Variants in RHOBTB1 observed in about 807,000 individuals in gnomAD.
RHOBTB1 encodes rho-related BTB domain-containing protein 1.
A neutral mutation model predicts 71.6 loss-of-function variants in RHOBTB1; 40 were observed. That is an observed-to-expected ratio of 0.56 (90% confidence interval 0.43 to 0.73). RHOBTB1 has a LOEUF of 0.73. Among genes scored for constraint, RHOBTB1 ranks in the 30% least tolerant of loss-of-function variants. The probability of loss-of-function intolerance (pLI) is 0.00; values close to 1 mark genes in which losing one functional copy is unlikely to be tolerated. For synonymous variants in RHOBTB1, 319 were observed against 334.9 expected, an observed-to-expected ratio of 0.95 and a Z score of 0.52; for missense variants, 797 against 894.0, an observed-to-expected ratio of 0.89 and a Z score of 1.38.
At chr10:60,997,019 T>C (rs546892819) in intron 1 of RHOBTB1, among the ~76,000 whole-genome samples, 1 of 151,688 alleles carries the variant, frequency 6.6e-6, no homozygotes, top group African/African-American at 2.4e-5. Flanking sequence ...TTGAACATGC[T>C]TGATTTGAGC....
At chr10:61,001,354 C>T (rs1007398921) in intron 1 of RHOBTB1, 7 of 151,420 alleles carry the variant, frequency 4.6e-5, no homozygotes, top group African/African-American at 1.7e-4. Flanking sequence ...GCGGCTCCTC[C>T]CGGGCGCGCT....
At chr10:60,876,739 C>G (rs770041661) in intron 8 of RHOBTB1, among the ~76,000 whole-genome samples, 4 of 152,106 alleles carry the variant, frequency 2.6e-5, no homozygotes, top group African/African-American at 4.8e-5. Flanking sequence ...AATATTGATG[C>G]CTCAACTCGC....
chr10:60,918,195 T>C (rs2083370419), intron 2 of RHOBTB1, among the ~76,000 whole-genome samples: 1 of 152,196 alleles, frequency 6.6e-6, no homozygotes. Context: ...ACTACCCCTC[T>C]GGTCCAAAGG....
chr10:60,915,690 G>A (rs2083233983), intron 2 of RHOBTB1, among the ~76,000 whole-genome samples: 1 of 152,246 alleles, frequency 6.6e-6, no homozygotes, highest in Middle Eastern at 3.4e-3. Flanking sequence ...CACTCACAAG[G>A]CTGACCTAGA....
intron 2 of RHOBTB1, among the ~76,000 whole-genome samples, chr10:60,922,365 C>T (rs1220310743): frequency 6.6e-6 from 1 of 152,168 alleles, no homozygotes; most frequent in African/African-American, 2.4e-5. Flanking sequence ...GCACTGATGC[C>T]TTGAACCCTC....
chr10:60,986,261 A>T (rs974863662), intron 1 of RHOBTB1, among the ~76,000 whole-genome samples: 2 of 152,020 alleles, frequency 1.3e-5, no homozygotes, highest in Non-Finnish European at 2.9e-5. Flanking sequence ...CCAGTTACTC[A>T]GTGGGACTGT....
chr10:60,973,372 C>T (rs896032700), intron 2 of RHOBTB1, among the ~76,000 whole-genome samples: 9 of 152,004 alleles, frequency 5.9e-5, no homozygotes, highest in Non-Finnish European at 1.0e-4. Context: ...AAAACAGCAT[C>T]CAAGAGAGAA....
At chr10:60,965,823 T>C (rs1350240040) in intron 2 of RHOBTB1, among the ~76,000 whole-genome samples, 1 of 152,156 alleles carries the variant, frequency 6.6e-6, no homozygotes, top group East Asian at 1.9e-4. Flanking sequence ...CATTTTCTGC[T>C]AACCTCAGGA....
intron 1 of RHOBTB1, among the ~76,000 whole-genome samples, chr10:60,992,219 C>T (rs1252544064): frequency 6.6e-6 from 1 of 152,126 alleles, no homozygotes; most frequent in Non-Finnish European, 1.5e-5. Context: ...GAAGATTTAC[C>T]TTCTCATTCA....
intron 1 of RHOBTB1, among the ~76,000 whole-genome samples, chr10:60,942,136 T>C (rs1012485167): frequency 6.6e-6 from 1 of 152,188 alleles, no homozygotes; most frequent in Non-Finnish European, 1.5e-5. Flanking sequence ...CTAAAAACAT[T>C]TGGCCACAAA....
upstream of RHOBTB1, among the ~76,000 whole-genome samples, chr10:60,945,864 G>T (rs2085205282): frequency 6.6e-6 from 1 of 152,176 alleles, no homozygotes. Context: ...CCAAGAGGTG[G>T]GTGATCATTT....
chr10:60,889,910 T>C (rs1457261350), intron 5 of RHOBTB1, among the ~76,000 whole-genome samples: 1 of 152,238 alleles, frequency 6.6e-6, no homozygotes, highest in Non-Finnish European at 1.5e-5. Context: ...TTATCACTAC[T>C]CTCTTCATCA....
chr10:60,937,728 T>C (rs2084670602), intron 2 of RHOBTB1, among the ~76,000 whole-genome samples: 1 of 152,164 alleles, frequency 6.6e-6, no homozygotes, highest in Non-Finnish European at 1.5e-5. Context: ...CGGCCTGTTG[T>C]GTTCAAGAAA....
At chr10:60,931,086 G>A (rs921828609) in intron 2 of RHOBTB1, among the ~76,000 whole-genome samples, 4 of 152,106 alleles carry the variant, frequency 2.6e-5, no homozygotes, top group Non-Finnish European at 5.9e-5. Flanking sequence ...ATTGTTGCTG[G>A]ACAATGAGGC....
chr10:60,930,255 T>A (rs2084161896), intron 2 of RHOBTB1, among the ~76,000 whole-genome samples: 1 of 152,224 alleles, frequency 6.6e-6, no homozygotes, highest in African/African-American at 2.4e-5. Flanking sequence ...AATTAATCTG[T>A]CGGAGCCTCT....
At chr10:60,875,436 C>T (rs1238249632) in intron 8 of RHOBTB1, among the ~76,000 whole-genome samples, 1 of 152,210 alleles carries the variant, frequency 6.6e-6, no homozygotes, top group Non-Finnish European at 1.5e-5. Flanking sequence ...CATGTGGCCG[C>T]TGTTTGGACC....
chr10:60,878,974 G>A (rs1307871385), intron 7 of RHOBTB1, among the ~76,000 whole-genome samples: 3 of 152,178 alleles, frequency 2.0e-5, no homozygotes, highest in South Asian at 2.1e-4. Context: ...AACATTAATC[G>A]TAATTGAAGG....
At chr10:60,910,824 G>T in intron 4 of RHOBTB1, 63 bp downstream of exon 4, 1 of 1,214,118 alleles carries the variant, frequency 8.2e-7, no homozygotes. Flanking sequence ...TTGTAAACCC[G>T]CTGCTGGTTT....
intron 2 of RHOBTB1, among the ~76,000 whole-genome samples, chr10:60,972,496 G>T (rs1366333709): frequency 6.6e-6 from 1 of 151,988 alleles, no homozygotes; most frequent in Non-Finnish European, 1.5e-5. Flanking sequence ...GAGAACACAG[G>T]GACACAGGAA....
Sources: allele counts gnomAD v4.1 joint callset (sites outside exome capture counted in the v4.1 genomes callset), GRCh38; gene constraint gnomAD v4.1.1; transcripts MANE v1.5; gene names NCBI Gene and HGNC (gene_info 2026-07-23, HGNC 2026-07-21).